ACAD10: variants seen among roughly 807,000 people sequenced by gnomAD.
The protein encoded by ACAD10 is ACAD-10.
Under a neutral mutation model 116.8 loss-of-function variants are expected in ACAD10, and 112 were observed. The ratio of observed to expected loss-of-function variants is 0.96; its 90% CI spans 0.82 to 1.12. ACAD10 has a LOEUF of 1.12. ACAD10 is among the 50% of genes most tolerant of loss of function. The probability of loss-of-function intolerance (pLI) is 0.00; values close to 1 mark genes in which losing one functional copy is unlikely to be tolerated. For missense variants in ACAD10, 1,259 were observed against 1,350.2 expected (o/e 0.93, Z 1.06); for synonymous variants, 486 against 510.6 (o/e 0.95, Z 0.65).
chr12:111,739,135 A>G (rs1440905092), intron 12 of ACAD10, among the ~76,000 whole-genome samples: 2 of 152,146 alleles, frequency 1.3e-5, no homozygotes, highest in African/African-American at 4.8e-5. Context: ...GCATATCACC[A>G]ATTTGCAACT....
At chr12:111,723,575 G>A (rs1324715940) in intron 8 of ACAD10, among the ~76,000 whole-genome samples, 2 of 141,990 alleles carry the variant, frequency 1.4e-5, no homozygotes, top group East Asian at 2.2e-4. Context: ...CCCGGACGGG[G>A]TGGCTGGCCG....
intron 8 of ACAD10, among the ~76,000 whole-genome samples, chr12:111,722,784 T>A (rs1889055242): frequency 2.0e-5 from 3 of 152,336 alleles, no homozygotes; most frequent in Admixed American, 2.0e-4. Flanking sequence ...CATGTCTACT[T>A]CTTTCTACAC....
intron 8 of ACAD10, among the ~76,000 whole-genome samples, chr12:111,722,988 G>A (rs1411517028): frequency 2.1e-5 from 3 of 145,642 alleles, no homozygotes; most frequent in African/African-American, 2.5e-5. Context: ...CTCACCTCCC[G>A]GACGGGGCGG....
intron 8 of ACAD10, among the ~76,000 whole-genome samples, chr12:111,724,794 G>A (rs928331601): frequency 6.6e-6 from 1 of 150,874 alleles, no homozygotes; most frequent in African/African-American, 2.5e-5. Flanking sequence ...GAAAGAGAGG[G>A]AGGGGAGACC....
At chr12:111,751,987 G>A (rs1190339858) in intron 18 of ACAD10, among the ~76,000 whole-genome samples, 3 of 151,942 alleles carry the variant, frequency 2.0e-5, no homozygotes, top group Non-Finnish European at 2.9e-5. Flanking sequence ...GAACCCGGGA[G>A]GTGGAGGTTG....
chr12:111,700,069 G>C (rs1458343715), intron 2 of ACAD10, among the ~76,000 whole-genome samples: 1 of 152,024 alleles, frequency 6.6e-6, no homozygotes, highest in Non-Finnish European at 1.5e-5. Flanking sequence ...ACGAAAATAG[G>C]TAGAGCCAGG....
chr12:111,730,025 G>C, intron 10 of ACAD10, 69 bp downstream of exon 10: 1 of 1,546,310 alleles, frequency 6.5e-7, no homozygotes, highest in Non-Finnish European at 8.8e-7. Flanking sequence ...TGAGCAATTG[G>C]TCTTGGTGCA....
At chr12:111,741,930 G>A (rs1889755240) in intron 12 of ACAD10, among the ~76,000 whole-genome samples, 1 of 152,162 alleles carries the variant, frequency 6.6e-6, no homozygotes, top group South Asian at 2.1e-4. Flanking sequence ...ATTGGGAAGG[G>A]GATGAGAGAG....
rs903699641 is a variant in ACAD10 at position 111,727,868 on chromosome 12, T to C, written c.1062-94T>C. The C allele has an allele frequency of 3.1e-6, 4 of 1,306,652 alleles. No individual in the cohort carries two copies. In the African/African-American group the frequency reaches 5.9e-5, roughly 19 times the overall value. 80.9% of individuals were successfully genotyped at this position (1,306,652 alleles called of 1,614,324 possible). A position where few individuals can be genotyped will look rare whatever the true frequency, so the allele number is the denominator to read the frequency against. ...GAACTCTTCACCAGCTCTCAACCTG[T>C]ATACCCAGGGAAAGTGACAAAGAAT... On this transcript the variant is annotated intron_variant, in intron 8 of 20. Transcript: ENST00000313698.
At chr12:111,727,261 A>G (rs1464266372) in intron 8 of ACAD10, among the ~76,000 whole-genome samples, 1 of 151,546 alleles carries the variant, frequency 6.6e-6, no homozygotes, top group Non-Finnish European at 1.5e-5. Flanking sequence ...GCAGTGGCTC[A>G]CGCCTATAAT....
Position 111,712,699 on chromosome 12 carries a change from C to T in ACAD10, c.850+42C>T, listed in dbSNP as rs183238964. 54 of 1,598,958 alleles carry T rather than the reference C, an allele frequency of 3.4e-5. No individual in the cohort carries two copies. The Admixed American group carries it at 4.3e-4, about 13-fold the overall frequency. On this transcript the variant is annotated intron_variant, in intron 6 of 20. Transcript: ENST00000313698. ...CATGTTTTGGTAGCTCTCTCCAAGG[C>T]GAAGGTTTTGGTCTGTTTCTCACTT...
intron 18 of ACAD10, among the ~76,000 whole-genome samples, chr12:111,752,281 G>T (rs1427123021): frequency 8.1e-5 from 12 of 147,968 alleles, no homozygotes; most frequent in South Asian, 3.0e-4. Flanking sequence ...ATAATGTTTT[G>T]TTGTTGTTGT....
At chr12:111,734,108 G>A (rs1460889849) in intron 11 of ACAD10, 40 bp downstream of exon 11, 2 of 1,612,382 alleles carry the variant, frequency 1.2e-6, no homozygotes, top group Non-Finnish European at 1.7e-6. Context: ...GAGCAAGCCA[G>A]TTCTCCAAGC....
intron 7 of ACAD10, among the ~76,000 whole-genome samples, chr12:111,719,791 G>A (rs1888964489): frequency 1.3e-5 from 2 of 151,928 alleles, no homozygotes; most frequent in African/African-American, 4.8e-5. Flanking sequence ...GCAGTGGCAC[G>A]ATCTCGGCCC....
At chr12:111,721,434 G>T (rs1889010097) in intron 7 of ACAD10, among the ~76,000 whole-genome samples, 1 of 152,060 alleles carries the variant, frequency 6.6e-6, no homozygotes, top group Non-Finnish European at 1.5e-5. Context: ...TGGTTGTGGT[G>T]GTGCACATCT....
intron 1 of ACAD10, chr12:111,691,133 C>T (rs1053115948): frequency 6.6e-6 from 1 of 152,066 alleles, no homozygotes; most frequent in Admixed American, 6.6e-5. Context: ...TAATGTCTGG[C>T]CATGTTTGGT....
chr12:111,710,105 T>C (rs972884359), intron 5 of ACAD10: 5 of 286,386 alleles, frequency 1.7e-5, no homozygotes, highest in African/African-American at 4.7e-5. Flanking sequence ...TTTTTTTTTT[T>C]CTCATACAGG....
chr12:111,710,332 C>T (rs1467076220), intron 5 of ACAD10: 1 of 453,332 alleles, frequency 2.2e-6, no homozygotes, highest in African/African-American at 2.0e-5. Flanking sequence ...AAGCGATCTA[C>T]CCACCTTACC....
intron 12 of ACAD10, among the ~76,000 whole-genome samples, chr12:111,739,728 A>G (rs1209721377): frequency 3.3e-5 from 5 of 152,224 alleles, no homozygotes; most frequent in Admixed American, 6.5e-5. Context: ...ACCGCAGTCT[A>G]GCCTGGGCAA....
Sources: allele counts gnomAD v4.1 joint callset (sites outside exome capture counted in the v4.1 genomes callset), GRCh38; gene constraint gnomAD v4.1.1; transcripts MANE v1.5; gene names NCBI Gene and HGNC (gene_info 2026-07-23, HGNC 2026-07-21).